CFAP43: variants seen among roughly 807,000 people sequenced by gnomAD.
CFAP43 encodes the protein cilia and flagella associated protein 43.
In CFAP43, 155 loss-of-function variants were observed where a neutral mutation model predicts 218.9. That is an observed-to-expected ratio of 0.71 (90% CI 0.62 to 0.81). CFAP43 has a LOEUF of 0.81. CFAP43 is among the 30% of genes least tolerant of loss of function. The probability of loss-of-function intolerance (pLI) is 0.00; values close to 1 mark genes in which losing one functional copy is unlikely to be tolerated. For missense variants in CFAP43, 1,778 were observed against 1,954.3 expected (o/e 0.91, Z 1.70); for synonymous variants, 645 against 681.3 (o/e 0.95, Z 0.83).
intron 28 of CFAP43, 50 bp downstream of exon 28, chr10:104,152,557 A>G: frequency 6.2e-7 from 1 of 1,605,234 alleles, no homozygotes; most frequent in South Asian, 1.1e-5. Flanking sequence ...AGAACCATGG[A>G]AGGGCCCTGC....
At chr10:104,222,862 G>C (rs10883984) in intron 3 of CFAP43, among the ~76,000 whole-genome samples, 7,722 of 152,236 alleles carry the variant, frequency 0.051, 248 homozygotes, top group South Asian at 0.13. Flanking sequence ...AAACTCAAAT[G>C]CTTATAGGGG....
At chr10:104,188,897 C>T (rs2090118821) in intron 12 of CFAP43, among the ~76,000 whole-genome samples, 1 of 152,148 alleles carries the variant, frequency 6.6e-6, no homozygotes. Flanking sequence ...ACAAGGTGTG[C>T]CAGGCCTGGA....
At chr10:104,149,443 A>G (rs1277745584) in intron 28 of CFAP43, among the ~76,000 whole-genome samples, 1 of 152,184 alleles carries the variant, frequency 6.6e-6, no homozygotes, top group South Asian at 2.1e-4. Context: ...AAAGTGGTAC[A>G]CTTCAGTTCA....
At chr10:104,163,994 C>G in intron 24 of CFAP43, 100 bp downstream of exon 24, 1 of 1,149,880 alleles carries the variant, frequency 8.7e-7, no homozygotes, top group Non-Finnish European at 1.3e-6. Flanking sequence ...AGAGTGCTAC[C>G]CAGTACAATC....
At chr10:104,213,748 G>A (rs1157020945) in intron 4 of CFAP43, among the ~76,000 whole-genome samples, 2 of 152,114 alleles carry the variant, frequency 1.3e-5, no homozygotes, top group Non-Finnish European at 2.9e-5. Flanking sequence ...TGTTAGCCAG[G>A]ATGGTCTCGA....
In CFAP43 at chr10:104,212,155, G is replaced by C. The variant is rs371285570; in HGVS notation, c.587C>G (p.Ser196Trp). The change falls in exon 5 of 38, where the codon TCG (serine) becomes TGG (tryptophan). Residue 196 changes from serine (S) to tryptophan (W), a missense_variant and splice_region_variant. Physicochemically the swap from Ser to Trp is radical, Grantham distance 177. Coordinates refer to ENST00000357060, the MANE Select transcript of CFAP43 (RefSeq NM_025145.7). ...CCCATCTTCTAGAGGTAATTTCACC[G>C]ACCTGTAGACAAAAGAGGCATCAGA... is the stretch of plus-strand genomic sequence containing the variant. Reference protein sequence around the residue: ...SNQEHCFRARSVKLPLEDGSF... With the variant: ...SNQEHCFRARWVKLPLEDGSF... The C allele has an allele frequency of 6.2e-7, 1 of 1,612,534 alleles. No homozygotes were observed. Among genetic ancestry groups the C allele is most frequent in the Non-Finnish European group, 8.5e-7 (1 of 1,179,168 alleles).
chr10:104,132,193 G>A lies in CFAP43; in HGVS notation c.4600C>T (p.Leu1534=), dbSNP rs148034207. 7 of 1,585,516 alleles carry A rather than the reference G, an allele frequency of 4.4e-6. No individual in the cohort carries two copies. The African/African-American group carries it at 6.8e-5, about 15-fold the overall frequency. ...LFFSRDRQKY[L]NEPNYEALIS... ...AGAGCCTCATAGTTTGGTTCATTTA[G>A]GTACTTTGAGATTAAAAAAAAACAT... The change falls in exon 36 of 38, where the codon CTA becomes TTA. Residue 1534 remains leucine (L), a synonymous_variant. Transcript: ENST00000357060.
At chr10:104,131,710 TGA>T (rs975918256) in intron 36 of CFAP43, among the ~76,000 whole-genome samples, 36 of 152,340 alleles carry the variant, frequency 2.4e-4, no homozygotes, top group Admixed American at 2.0e-3. Context: ...ATTCTTAAAC[TGA>T]GAGAATATTT....
intron 34 of CFAP43, among the ~76,000 whole-genome samples, chr10:104,138,928 A>C (rs2087574730): frequency 6.6e-6 from 1 of 152,224 alleles, no homozygotes; most frequent in African/African-American, 2.4e-5. Flanking sequence ...ACTTTTCTAA[A>C]ACAAAAATTT....
chr10:104,162,268 C>A, intron 25 of CFAP43, 49 bp downstream of exon 25: 1 of 1,534,324 alleles, frequency 6.5e-7, no homozygotes, highest in East Asian at 2.2e-5. Flanking sequence ...GAAGCAGTAT[C>A]CCTAAAGCAA....
chr10:104,199,522 C>T (rs886197791), intron 8 of CFAP43, among the ~76,000 whole-genome samples: 3 of 152,080 alleles, frequency 2.0e-5, no homozygotes, highest in South Asian at 2.1e-4. Context: ...CCTGCCCTCA[C>T]GGAACTTACC....
At position 104,162,378 on chromosome 10, in the gene CFAP43, G is replaced by C; in HGVS notation, c.3272C>G (p.Pro1091Arg). The change falls in exon 25 of 38, where the codon CCG (proline) becomes CGG (arginine). Residue 1091 changes from proline to arginine, a missense_variant. This residue lies in a region of CFAP43 where 1,553 missense variants were observed against 1,685.2 expected (regional missense o/e 0.92). Transcript: ENST00000357060. Reference sequence around the variant, plus strand: ...GATCAATTCTTTGGCTTTGTGCCACGGCTTAATGTGTTTGTGGGCTGTAAT... The same window carrying C: ...GATCAATTCTTTGGCTTTGTGCCACCGCTTAATGTGTTTGTGGGCTGTAAT... ...EEITAHKHIKPWHKAKELIVN... is the reference protein window; with the variant it reads ...EEITAHKHIKRWHKAKELIVN... 2 of 1,614,028 alleles carry C rather than the reference G, an allele frequency of 1.2e-6. No individual in the cohort carries two copies. Among genetic ancestry groups the C allele is most frequent in the East Asian group, 4.5e-5 (2 of 44,892 alleles).
chr10:104,180,111 G>A (rs542360624), intron 17 of CFAP43, among the ~76,000 whole-genome samples, 179 bp from the exon 18 acceptor site: 25 of 152,172 alleles, frequency 1.6e-4, no homozygotes, highest in Non-Finnish European at 3.2e-4. Flanking sequence ...AGTCCCACCA[G>A]TCTGCCCTTA....
At chr10:104,186,919 G>C (rs948196601) in intron 14 of CFAP43, among the ~76,000 whole-genome samples, 1 of 152,178 alleles carries the variant, frequency 6.6e-6, no homozygotes, top group African/African-American at 2.4e-5. Context: ...ATGAAAAAAT[G>C]TCAGAAACAC....
intron 5 of CFAP43, 141 bp downstream of exon 5, chr10:104,211,866 C>G: frequency 2.1e-6 from 2 of 937,274 alleles, no homozygotes. Context: ...CTCTCACAGT[C>G]TCTGTGGCTA....
intron 1 of CFAP43, among the ~76,000 whole-genome samples, chr10:104,231,215 GCCATT>G (rs2135023488): frequency 6.6e-6 from 1 of 152,234 alleles, no homozygotes; most frequent in Non-Finnish European, 1.5e-5. Flanking sequence ...GGCATCCTGG[GCCATT>G]CTTTTATAAT....
intron 6 of CFAP43, 56 bp from the exon 7 acceptor site, chr10:104,206,086 A>G (rs2090678695): frequency 7.4e-7 from 1 of 1,356,294 alleles, no homozygotes. Context: ...GTACAATGTA[A>G]CAATGAATAA....
chr10:104,178,193 G>C (rs1007549509), intron 19 of CFAP43, among the ~76,000 whole-genome samples: 3 of 152,180 alleles, frequency 2.0e-5, no homozygotes, highest in Admixed American at 6.5e-5. Flanking sequence ...CCATACACCT[G>C]GTCTACAGAG....
rs566872201 is a variant in CFAP43, at chr10:104,161,266, C to A, written c.3415-104G>T. ...AAAAAGCCCTTTAAAAGGATACAGT[C>A]CTTCACATTGGCAAGGAAAACGACC... On this transcript the variant is annotated intron_variant, in intron 26 of 37. Coordinates refer to ENST00000357060, the MANE Select transcript of CFAP43 (RefSeq NM_025145.7). 2.1e-3 allele frequency: 2,605 copies of A among 1,264,238 alleles called. 5 individuals are homozygous for A. Among genetic ancestry groups the A allele is most frequent in the Admixed American group, 2.9e-3 (108 of 37,830 alleles). The allele number at this position is 1,264,238 out of a possible 1,614,324, so 78.3% of individuals were successfully genotyped here. A position where few individuals can be genotyped will look rare whatever the true frequency, so the allele number is the denominator to read the frequency against.
Sources: allele counts gnomAD v4.1 joint callset (sites outside exome capture counted in the v4.1 genomes callset), GRCh38; gene constraint gnomAD v4.1.1; regional missense constraint gnomAD v4.1.1; transcripts MANE v1.5; gene names NCBI Gene and HGNC (gene_info 2026-07-23, HGNC 2026-07-21).